The following NSMCE2 variants were observed in gnomAD, a reference collection of about 807,000 sequenced individuals.
NSMCE2 encodes the protein NSE2 SUMO ligase component of SMC5/6 complex.
Under a neutral mutation model 23.8 loss-of-function variants are expected in NSMCE2, and 24 were observed. The ratio of observed to expected loss-of-function variants is 1.01; its 90% confidence interval spans 0.73 to 1.42. The LOEUF is 1.42. NSMCE2 is among the 40% of genes most tolerant of loss of function. The pLI, the probability that NSMCE2 is intolerant of heterozygous loss-of-function variation, is 0.00. For missense variants in NSMCE2, 284 were observed against 296.5 expected (o/e 0.96, Z 0.31); for synonymous variants, 92 against 94.1 (o/e 0.98, Z 0.13).
At chr8:125,356,329 T>G (rs977641626) in intron 5 of NSMCE2, among the ~76,000 whole-genome samples, 6,708 of 139,446 alleles carry the variant, frequency 0.048, 179 homozygotes, top group Non-Finnish European at 0.079. Context: ...TTTTTTGGTT[T>G]TTTTTTTTTT....
At chr8:125,131,918 C>G (rs1819791979) in intron 3 of NSMCE2, among the ~76,000 whole-genome samples, 1 of 152,098 alleles carries the variant, frequency 6.6e-6, no homozygotes, top group South Asian at 2.1e-4. Flanking sequence ...TTCTTAAGTT[C>G]CAGAATTCAA....
chr8:125,131,461 G>A (rs918735951), intron 3 of NSMCE2, among the ~76,000 whole-genome samples: 4 of 152,062 alleles, frequency 2.6e-5, no homozygotes, highest in African/African-American at 7.2e-5. Context: ...CAGATGCTTG[G>A]GTTTAGAGAA....
At chr8:125,141,399 C>A (rs1282784285) in intron 3 of NSMCE2, among the ~76,000 whole-genome samples, 1 of 152,214 alleles carries the variant, frequency 6.6e-6, no homozygotes, top group African/African-American at 2.4e-5. Flanking sequence ...CAGACACTGG[C>A]ATGTGCCTTC....
chr8:125,099,413 G>T (rs1444512350), intron 1 of NSMCE2, among the ~76,000 whole-genome samples: 1 of 152,044 alleles, frequency 6.6e-6, no homozygotes, highest in Non-Finnish European at 1.5e-5. Flanking sequence ...GAACCAAGAA[G>T]GCATAGCCCT....
At chr8:125,151,473 A>C (rs773535109) in intron 4 of NSMCE2, 196 bp downstream of exon 4, 30 of 392,822 alleles carry the variant, frequency 7.6e-5, no homozygotes, top group Non-Finnish European at 9.1e-5. Flanking sequence ...ACTTAGGTTG[A>C]TTAACATATT....
Position 125,201,927 on chromosome 8 carries a change from T to G in NSMCE2, c.418+19671T>G, listed in dbSNP as rs1823899436. ...GGACACCCCACCGTCCCCCACCCCA[T>G]TCCCCCGCCTTCCTGCGAAGCTTCA... On this transcript the variant is annotated intron_variant, in intron 5 of 7. Transcript: ENST00000287437. Among the ~76,000 whole-genome samples the G allele has an allele frequency of 6.9e-5, 10 of 144,684 alleles. No homozygotes were observed. The East Asian group carries it at 7.1e-4, about 10-fold the overall frequency. The allele number at this position is 144,684 out of a possible 152,430, so 94.9% of individuals were successfully genotyped here. A position where few individuals can be genotyped will look rare whatever the true frequency, so the allele number is the denominator to read the frequency against.
intron 5 of NSMCE2, among the ~76,000 whole-genome samples, chr8:125,316,567 C>T (rs1829186776): frequency 2.0e-5 from 3 of 151,890 alleles, no homozygotes; most frequent in Non-Finnish European, 4.4e-5. Flanking sequence ...TCTTTCTTTC[C>T]TTCTTTCTTT....
chr8:125,165,379 G>A (rs185100276), intron 4 of NSMCE2, among the ~76,000 whole-genome samples: 18 of 152,254 alleles, frequency 1.2e-4, no homozygotes, highest in East Asian at 9.6e-4. Flanking sequence ...TTTAAATGTC[G>A]TTCTAATATA....
chr8:125,297,144 T>G (rs1828363207), intron 5 of NSMCE2, among the ~76,000 whole-genome samples: 1 of 152,222 alleles, frequency 6.6e-6, no homozygotes, highest in Non-Finnish European at 1.5e-5. Context: ...ACACCCATTT[T>G]TAACAACCTG....
intron 5 of NSMCE2, among the ~76,000 whole-genome samples, chr8:125,320,972 G>A (rs776404876): frequency 6.6e-6 from 1 of 152,166 alleles, no homozygotes; most frequent in Non-Finnish European, 1.5e-5. Flanking sequence ...TATGGCCAGA[G>A]CAGGAGGAAG....
At chr8:125,327,346 T>C (rs1003106915) in intron 5 of NSMCE2, among the ~76,000 whole-genome samples, 1 of 151,896 alleles carries the variant, frequency 6.6e-6, no homozygotes, top group Admixed American at 6.6e-5. Context: ...GAATGTAGTA[T>C]AATTACCAAT....
chr8:125,174,001 G>C (rs918774352), intron 4 of NSMCE2, among the ~76,000 whole-genome samples: 4 of 152,252 alleles, frequency 2.6e-5, no homozygotes, highest in Admixed American at 2.6e-4. Context: ...GCAAAGTGTT[G>C]TTAACAACAA....
At chr8:125,325,622 C>T (rs1829635978) in intron 5 of NSMCE2, among the ~76,000 whole-genome samples, 2 of 152,100 alleles carry the variant, frequency 1.3e-5, no homozygotes, top group Non-Finnish European at 2.9e-5. Flanking sequence ...GCTAGGATTA[C>T]AGGTGTGAGC....
At chr8:125,351,543 A>G (rs1018132485) in intron 5 of NSMCE2, 1 of 152,172 alleles carries the variant, frequency 6.6e-6, no homozygotes, top group African/African-American at 2.4e-5. Context: ...CAGCCGGCAT[A>G]TGCTTCTAAC....
chr8:125,236,110 T>G (rs1160276546), intron 5 of NSMCE2, among the ~76,000 whole-genome samples: 1 of 152,148 alleles, frequency 6.6e-6, no homozygotes, highest in Non-Finnish European at 1.5e-5. Context: ...AAGGCTAAAG[T>G]CTGAAGGCAA....
At chr8:125,265,056 T>A (rs1222960095) in intron 5 of NSMCE2, among the ~76,000 whole-genome samples, 1 of 152,116 alleles carries the variant, frequency 6.6e-6, no homozygotes, top group Non-Finnish European at 1.5e-5. Flanking sequence ...TTATGTAGTA[T>A]CTTAAAAATT....
At chr8:125,228,886 CAGAA>C (rs1306608134) in intron 5 of NSMCE2, among the ~76,000 whole-genome samples, 2 of 152,202 alleles carry the variant, frequency 1.3e-5, no homozygotes, top group African/African-American at 4.8e-5. Context: ...AGTAGAAACT[CAGAA>C]AGCCTGAGTG....
rs530543844 is a variant in NSMCE2, at chr8:125,201,048, TTATTC to T, written c.418+18795_418+18799del. Among the ~76,000 whole-genome samples the T allele has an allele frequency of 4.1e-4, 62 of 152,350 alleles. No individual in the cohort carries two copies. The East Asian group carries it at 0.011, about 28-fold the overall frequency. ...TCATTTAAGGTCTTCTCTATACTGTTTATTCTAGTTAGTCATTCGTCTAACCTTTT... is the reference window on the plus strand; with the variant it reads ...TCATTTAAGGTCTTCTCTATACTGTTTAGTTAGTCATTCGTCTAACCTTTT... On this transcript the variant is annotated intron_variant, in intron 5 of 7. Transcript: ENST00000287437.
intron 3 of NSMCE2, among the ~76,000 whole-genome samples, chr8:125,124,468 A>ATT (rs1187110779): frequency 2.0e-5 from 3 of 146,868 alleles, no homozygotes; most frequent in Admixed American, 6.7e-5. Flanking sequence ...ATTCCTCAGG[A>ATT]TTTCTCTCTC....
Sources: allele counts gnomAD v4.1 joint callset (sites outside exome capture counted in the v4.1 genomes callset), GRCh38; gene constraint gnomAD v4.1.1; transcripts MANE v1.5; gene names NCBI Gene and HGNC (gene_info 2026-07-23, HGNC 2026-07-21).